The following PRKCE variants were observed in gnomAD, a reference collection of about 807,000 sequenced individuals.
The protein encoded by PRKCE is protein kinase C epsilon type.
PRKCE carries 16 observed loss-of-function variants against 85.4 expected under a neutral mutation model. The ratio of observed to expected loss-of-function variants is 0.19; its 90% CI spans 0.13 to 0.28. The LOEUF is 0.28. Among genes scored for constraint, PRKCE ranks in the 10% least tolerant of loss-of-function variants. PRKCE has a pLI of 1.00. For missense variants in PRKCE, 573 were observed against 975.2 expected (o/e 0.59, Z 5.49); for synonymous variants, 388 against 371.5 (o/e 1.04, Z -0.51).
At chr2:45,678,598 A>G (rs1676651816) in intron 1 of PRKCE, among the ~76,000 whole-genome samples, 1 of 152,190 alleles carries the variant, frequency 6.6e-6, no homozygotes, top group South Asian at 2.1e-4. Flanking sequence ...GTTAGAAGGC[A>G]AACGACTCTA....
At chr2:45,655,847 A>G (rs1020894363) in intron 1 of PRKCE, among the ~76,000 whole-genome samples, 1 of 11,824 alleles carries the variant, frequency 8.5e-5, no homozygotes, top group Non-Finnish European at 1.6e-4. Flanking sequence ...CTGTCTCTTG[A>G]AAAAAAAAAA....
At chr2:45,689,916 A>G (rs1349826928) in intron 1 of PRKCE, among the ~76,000 whole-genome samples, 1 of 151,972 alleles carries the variant, frequency 6.6e-6, no homozygotes, top group African/African-American at 2.4e-5. Flanking sequence ...AAAAAAAAAA[A>G]AAAATGCTTG....
At chr2:45,767,308 G>T (rs1222312632) in intron 1 of PRKCE, among the ~76,000 whole-genome samples, 2 of 152,148 alleles carry the variant, frequency 1.3e-5, no homozygotes, top group African/African-American at 4.8e-5. Flanking sequence ...TAAAAAATCT[G>T]CACAGCAATG....
intron 2 of PRKCE, among the ~76,000 whole-genome samples, chr2:45,945,294 C>T (rs760471446): frequency 1.1e-4 from 17 of 152,106 alleles, no homozygotes; most frequent in Non-Finnish European, 2.4e-4. Flanking sequence ...CTGGTGAGGG[C>T]CTCAGGAAGC....
intron 2 of PRKCE, among the ~76,000 whole-genome samples, chr2:45,854,318 C>T (rs1476040327): frequency 6.6e-6 from 1 of 152,158 alleles, no homozygotes; most frequent in South Asian, 2.1e-4. Context: ...AGTGGGGAAC[C>T]AGACCTAGAG....
chr2:45,882,409 G>C (rs920565951), intron 2 of PRKCE, among the ~76,000 whole-genome samples: 4 of 152,188 alleles, frequency 2.6e-5, no homozygotes, highest in Non-Finnish European at 5.9e-5. Flanking sequence ...TCTGATGTCC[G>C]CAGTCTCATA....
At chr2:46,080,797 A>C (rs531613476) in intron 10 of PRKCE, among the ~76,000 whole-genome samples, 1 of 152,328 alleles carries the variant, frequency 6.6e-6, no homozygotes, top group Non-Finnish European at 1.5e-5. Context: ...ACAACTATCC[A>C]AAGAACAAAA....
At chr2:45,787,076 C>T (rs1474788147) in intron 1 of PRKCE, among the ~76,000 whole-genome samples, 1 of 151,916 alleles carries the variant, frequency 6.6e-6, no homozygotes, top group African/African-American at 2.4e-5. Context: ...ATCTTATCTG[C>T]TGGTGGATGT....
At chr2:45,865,088 G>A (rs918036716) in intron 2 of PRKCE, among the ~76,000 whole-genome samples, 1 of 152,182 alleles carries the variant, frequency 6.6e-6, no homozygotes, top group Admixed American at 6.5e-5. Context: ...AAGTTACCTG[G>A]GGAACTTGTT....
intron 11 of PRKCE, among the ~76,000 whole-genome samples, chr2:46,111,365 C>G (rs1477359917): frequency 2.6e-5 from 4 of 152,132 alleles, no homozygotes; most frequent in African/African-American, 9.7e-5. Flanking sequence ...ATAATTCATG[C>G]ATTTAGAGTA....
At chr2:45,862,308 G>A (rs3911797) in intron 2 of PRKCE, among the ~76,000 whole-genome samples, 51,774 of 151,654 alleles carry the variant, frequency 0.34, 9,428 homozygotes, top group East Asian at 0.7. Flanking sequence ...CCCTCCAACA[G>A]TCTGCCTCCT....
At chr2:45,917,559 A>G (rs1040466653) in intron 2 of PRKCE, among the ~76,000 whole-genome samples, 1 of 152,230 alleles carries the variant, frequency 6.6e-6, no homozygotes, top group Non-Finnish European at 1.5e-5. Context: ...TGAGCTAGAC[A>G]TAAAGGTTCT....
chr2:45,958,190 CAAAAAAA>C lies in PRKCE; in HGVS notation c.413-18222_413-18216del, dbSNP rs60711691. On this transcript the variant is annotated intron_variant, in intron 2 of 14. Coordinates refer to ENST00000306156, the MANE Select transcript of PRKCE (RefSeq NM_005400.3). The stretch of plus-strand genomic sequence containing the variant: ...TAATAAACCTAATCTATTAGGCCCG[CAAAAAAA>C]AAAAAAAAAAAAAAAAGAAAAAGAA... 1.8e-3 allele frequency among the ~76,000 whole-genome samples: 197 copies of C among 110,088 alleles called. 1 individual carries two copies. Among genetic ancestry groups the C allele is most frequent in the African/African-American group, 6.5e-3 (186 of 28,624 alleles). 72.2% of individuals were successfully genotyped at this position (110,088 alleles called of 152,430 possible).
At chr2:45,712,108 G>C (rs1679694505) in intron 1 of PRKCE, among the ~76,000 whole-genome samples, 1 of 135,584 alleles carries the variant, frequency 7.4e-6, no homozygotes, top group Admixed American at 7.6e-5. Context: ...CCTGTTGACA[G>C]TTGACCTCTT....
At chr2:45,884,972 TATATATATATATATATATATATATATATA>T (rs1695149553) in intron 2 of PRKCE, among the ~76,000 whole-genome samples, 10 of 61,156 alleles carry the variant, frequency 1.6e-4, no homozygotes, top group African/African-American at 4.1e-4. Context: ...TATATATATA[TATATATATATATATATATATATATATATA>T]TTTGTTGTTG....
chr2:45,654,885 C>G (rs1357406979), intron 1 of PRKCE, among the ~76,000 whole-genome samples: 1 of 152,122 alleles, frequency 6.6e-6, no homozygotes, highest in African/African-American at 2.4e-5. Flanking sequence ...CTTTCCCAGT[C>G]TTAACATTCA....
chr2:46,131,079 G>A (rs1046372873), intron 11 of PRKCE, among the ~76,000 whole-genome samples: 9 of 152,164 alleles, frequency 5.9e-5, no homozygotes, highest in African/African-American at 1.7e-4. Context: ...GGATAAATCC[G>A]GCTGGTGACC....
rs558614440 is a variant in PRKCE, at chr2:45,910,097, C to G, written c.413-66332C>G. Reference sequence around the variant, plus strand: ...TGTGACCAGGATACCTCAACTCATGCTACAAGGTACTTAATGCAAAATAAG... The same window carrying G: ...TGTGACCAGGATACCTCAACTCATGGTACAAGGTACTTAATGCAAAATAAG... On this transcript the variant is annotated intron_variant, in intron 2 of 14. Coordinates refer to ENST00000306156, the MANE Select transcript of PRKCE (RefSeq NM_005400.3). Among the ~76,000 whole-genome samples, 176 of 151,784 alleles carry G rather than the reference C, an allele frequency of 1.2e-3. 2 individuals are homozygous for G. The highest frequency in any genetic ancestry group is 2.0e-3 in the Non-Finnish European group (135 of 67,948).
intron 2 of PRKCE, among the ~76,000 whole-genome samples, chr2:45,912,357 T>A (rs2103840463): frequency 6.6e-6 from 1 of 152,226 alleles, no homozygotes; most frequent in South Asian, 2.1e-4. Flanking sequence ...GGCACTGCCC[T>A]GGTGGTGAGC....
Sources: allele counts gnomAD v4.1 joint callset (sites outside exome capture counted in the v4.1 genomes callset), GRCh38; gene constraint gnomAD v4.1.1; transcripts MANE v1.5; gene names NCBI Gene and HGNC (gene_info 2026-07-23, HGNC 2026-07-21).